FAM98C: variants seen among roughly 807,000 people sequenced by gnomAD.
FAM98C encodes tRNA splicing ligase complex subunit 3C.
A neutral mutation model predicts 41.1 loss-of-function variants in FAM98C; 38 were observed. The ratio of observed to expected loss-of-function variants is 0.92; its 90% CI spans 0.71 to 1.21. The LOEUF (loss-of-function observed/expected upper bound fraction) is 1.21, where lower values mean the gene tolerates loss of function less well. Among genes scored for constraint, FAM98C ranks in the 50% most tolerant of loss-of-function variants. The probability of loss-of-function intolerance (pLI) is 0.00; values close to 1 mark genes in which losing one functional copy is unlikely to be tolerated. For missense variants in FAM98C, 493 were observed against 484.7 expected (o/e 1.02, Z -0.16); for synonymous variants, 195 against 216.7 (o/e 0.90, Z 0.88).
In FAM98C at chr19:38,405,616, A is replaced by G. The variant is rs763901480; in HGVS notation, c.731A>G (p.His244Arg). 6.2e-7 allele frequency: 1 copy of G among 1,614,028 alleles called. No individual in the cohort carries two copies. The highest frequency in any genetic ancestry group is 1.1e-5 in the South Asian group (1 of 91,078). ...CTTGACCTCACTACATCTGCTTTCC[A>G]CTGGAGTGACCGGGCAGAGGTGTGG... ...KRLDLTTSAF[H>R]WSDRAEAQGE... is the part of the protein sequence containing the mutation. The change falls in exon 6 of 8, where the codon CAC becomes CGC. Residue 244 changes from histidine (H) to arginine (R), a missense_variant. By Grantham distance (29) the His-to-Arg change is conservative (BLOSUM62 0). Coordinates refer to ENST00000252530, the MANE Select transcript of FAM98C (RefSeq NM_174905.4).
At chr19:38,405,859 ATTT>A (rs1002148694) in intron 6 of FAM98C, 1,399 of 389,842 alleles carry the variant, frequency 3.6e-3, no homozygotes, top group Middle Eastern at 7.4e-3. Flanking sequence ...ATACCCCATC[ATTT>A]TTTTTTTTTT....
intron 3 of FAM98C, 107 bp downstream of exon 3, chr19:38,403,801 G>A: frequency 7.7e-7 from 1 of 1,304,998 alleles, no homozygotes. Context: ...GAACTTTGGG[G>A]CGGCCCAGAG....
Position 38,403,232 on chromosome 19 carries a change from C to T in FAM98C, c.65+14C>T. The T allele has an allele frequency of 1.3e-6, 2 of 1,558,806 alleles. No homozygotes were observed. The highest frequency in any genetic ancestry group is 1.2e-5 in the South Asian group (1 of 85,126). ...GCTGGCTCTGGGGTAAAAGGGTGTG[C>T]GGTGAGGCTGGTGGGTGCAGGAAGG... On this transcript the variant is annotated intron_variant, in intron 1 of 7. Coordinates refer to ENST00000252530, the MANE Select transcript of FAM98C (RefSeq NM_174905.4).
At position 38,404,983 on chromosome 19, in the gene FAM98C, C is replaced by T; in HGVS notation, c.425C>T (p.Pro142Leu). The change falls in exon 4 of 8, where the codon CCC (proline) becomes CTC (leucine). Residue 142 changes from proline to leucine, a missense_variant. Transcript: ENST00000252530. ...RSLLDPSPRPPLGEGVVEGAG... is the reference protein window; with the variant it reads ...RSLLDPSPRPLLGEGVVEGAG... ...CTGCTGGATCCGAGTCCTAGGCCAC[C>T]CCTTGGTGAAGGGGTAGTGGAGGGA... 6.2e-7 allele frequency: 1 copy of T among 1,614,154 alleles called. No homozygotes were observed. The highest frequency in any genetic ancestry group is 1.1e-5 in the South Asian group (1 of 91,082).
At chr19:38,406,815 T>G in intron 6 of FAM98C, 95 bp from the exon 7 acceptor site, 19 of 1,270,124 alleles carry the variant, frequency 1.5e-5, no homozygotes, top group Admixed American at 1.9e-5. Context: ...CTGTGGGCAG[T>G]GAGGTCTTGA....
At chr19:38,403,255 A>T in intron 1 of FAM98C, 37 bp downstream of exon 1, 2 of 1,550,056 alleles carry the variant, frequency 1.3e-6, no homozygotes, top group Non-Finnish European at 1.7e-6. Context: ...GGGTGCAGGA[A>T]GGCCAGGTCT....
chr19:38,403,734 C>G (rs113450443), intron 3 of FAM98C, 40 bp downstream of exon 3: 46,864 of 1,373,182 alleles, frequency 0.034, 837 homozygotes, highest in African/African-American at 0.051. Context: ...CCATGGCCTC[C>G]GGAGCGGCGG....
intron 6 of FAM98C, 149 bp from the exon 7 acceptor site, chr19:38,406,761 G>A (rs912862925): frequency 1.2e-6 from 1 of 808,430 alleles, no homozygotes; most frequent in Non-Finnish European, 1.9e-6. Flanking sequence ...CTCCAGGCTG[G>A]GTGACAGCGA....
rs931151983 is a variant in FAM98C at position 38,408,610 on chromosome 19, A to T, written c.919-141A>T. The T allele has an allele frequency of 5.8e-6, 6 of 1,029,670 alleles. No homozygotes were observed. In the African/African-American group the frequency reaches 8.1e-5, roughly 14 times the overall value. The allele number at this position is 1,029,670 out of a possible 1,614,324, so 63.8% of individuals were successfully genotyped here. ...TCATGCTAGTATCTTCCACCAGTTC[A>T]GTCCCCCCTCCCCCAGCCACTGTAC... is the stretch of plus-strand genomic sequence containing the variant. On this transcript the variant is annotated intron_variant, in intron 7 of 7. Coordinates refer to ENST00000252530, the MANE Select transcript of FAM98C (RefSeq NM_174905.4).
At position 38,403,216 on chromosome 19, in the gene FAM98C, G is replaced by C. The variant is rs3745957; in HGVS notation, c.63G>C (p.Leu21=). Reference sequence around the variant, plus strand: ...CGGTGGCCCAGGACCTGCTGGCTCTGGGGTAAAAGGGTGTGCGGTGAGGCT... The same window carrying C: ...CGGTGGCCCAGGACCTGCTGGCTCTCGGGTAAAAGGGTGTGCGGTGAGGCT... ...GAAVAQDLLA[L]GYGGVPGAAS... Residue 21 remains leucine, a splice_region_variant and synonymous_variant, in exon 1 of 8, where the codon CTG becomes CTC. Transcript: ENST00000252530. 108,752 of 1,557,706 alleles carry C rather than the reference G, an allele frequency of 0.07. 5,111 individuals carry two copies. The highest frequency in any genetic ancestry group is 0.25 in the East Asian group (9,601 of 38,754).
At position 38,405,350 on chromosome 19, in the gene FAM98C, G is replaced by A. The variant is rs1312017240; in HGVS notation, c.562G>A (p.Glu188Lys). The A allele has an allele frequency of 2.5e-6, 4 of 1,613,764 alleles. No individual in the cohort carries two copies. Among genetic ancestry groups the A allele is most frequent in the Non-Finnish European group, 3.4e-6 (4 of 1,179,978 alleles). Residue 188 changes from glutamate to lysine, a missense_variant, in exon 5 of 8, where the codon GAG becomes AAG. Physicochemically the swap from Glu to Lys is moderately conservative, Grantham distance 56. Coordinates refer to ENST00000252530, the MANE Select transcript of FAM98C (RefSeq NM_174905.4). ...TGACTTCTTCTCCCATCAGATCTCA[G>A]AGCTGCAGCCTTCTCTGCCCCCAGG... Reference protein sequence around the residue: ...LLQELHAKISELQPSLPPGSL... With the variant: ...LLQELHAKISKLQPSLPPGSL...
intron 4 of FAM98C, 57 bp downstream of exon 4, chr19:38,405,170 G>T: frequency 1.3e-6 from 2 of 1,563,818 alleles, no homozygotes; most frequent in South Asian, 2.3e-5. Flanking sequence ...TGTGGGGGTG[G>T]GGGTCCTCTC....
At chr19:38,405,216 G>C in intron 4 of FAM98C, 103 bp downstream of exon 4, 1 of 1,505,356 alleles carries the variant, frequency 6.6e-7, no homozygotes, top group Non-Finnish European at 9.0e-7. Context: ...CCACTGGCCT[G>C]TTTTTTCTGG....
Position 38,404,258 on chromosome 19 carries a change from G to A in FAM98C, c.349+564G>A, listed in dbSNP as rs192730101. 4.7e-3 allele frequency among the ~76,000 whole-genome samples: 722 copies of A among 152,284 alleles called. 6 individuals carry two copies. Among genetic ancestry groups the A allele is most frequent in the African/African-American group, 0.016 (682 of 41,570 alleles). The stretch of plus-strand genomic sequence containing the variant: ...GGGTTGGATTAGGAGGAAGGCTTGA[G>A]GTTTCAAAGTGGGCAGGAGTGGAAT... On this transcript the variant is annotated intron_variant, in intron 3 of 7. Coordinates refer to ENST00000252530, the MANE Select transcript of FAM98C (RefSeq NM_174905.4).
chr19:38,404,890 C>G lies in FAM98C; in HGVS notation c.350-18C>G, dbSNP rs746898599. ...TAGCAGCCTCCCTGAGTGCACAGCACCCATTTATTACTTTCAGGCTTTCTC... is the reference window on the plus strand; with the variant it reads ...TAGCAGCCTCCCTGAGTGCACAGCAGCCATTTATTACTTTCAGGCTTTCTC... On this transcript the variant is annotated intron_variant, in intron 3 of 7. Transcript: ENST00000252530. 1.2e-6 allele frequency: 2 copies of G among 1,613,924 alleles called. No individual in the cohort carries two copies. Among genetic ancestry groups the G allele is most frequent in the Non-Finnish European group, 1.7e-6 (2 of 1,179,878 alleles).
chr19:38,405,483 G>A (rs1486686690), intron 5 of FAM98C, 36 bp from the exon 6 acceptor site: 7 of 1,613,728 alleles, frequency 4.3e-6, no homozygotes, highest in Non-Finnish European at 5.9e-6. Flanking sequence ...GCAGTGAGAG[G>A]GACCCCTAGC....
chr19:38,408,949 G>A lies in FAM98C; in HGVS notation c.*67G>A. 4.0e-6 allele frequency: 6 copies of A among 1,502,234 alleles called. No homozygotes were observed. The highest frequency in any genetic ancestry group is 4.4e-6 in the Non-Finnish European group (5 of 1,127,414). 93.1% of individuals were successfully genotyped at this position (1,502,234 alleles called of 1,614,324 possible). A position where few individuals can be genotyped will look rare whatever the true frequency, so the allele number is the denominator to read the frequency against. ...GCTAATGCTATCGGTAATCTCTGGG[G>A]AGTCCGTTTAAGGCTTTCCTTGGTA... On this transcript the variant is annotated 3_prime_UTR_variant, in exon 8 of 8. Transcript: ENST00000252530.
intron 3 of FAM98C, 65 bp downstream of exon 3, chr19:38,403,759 G>C: frequency 1.5e-6 from 2 of 1,351,098 alleles, no homozygotes; most frequent in Non-Finnish European, 9.5e-7. Context: ...TGACTTTTTA[G>C]GGGAAATCGA....
Position 38,408,791 on chromosome 19 carries a change from A to G in FAM98C, c.959A>G (p.Asn320Ser), listed in dbSNP as rs1971094852. 1 of 1,613,650 alleles carries G rather than the reference A, an allele frequency of 6.2e-7. No homozygotes were observed. Among genetic ancestry groups the G allele is most frequent in the Non-Finnish European group, 8.5e-7 (1 of 1,179,912 alleles). ...GTTCCAGACCGGGGGGGCCGCCCAA[A>G]TGAGCTGGAGCCTCCCATGCCCACC... is the stretch of plus-strand genomic sequence containing the variant. ...GNVPDRGGRPNELEPPMPTWR... is the reference protein window; with the variant it reads ...GNVPDRGGRPSELEPPMPTWR... The change falls in exon 8 of 8, where the codon AAT becomes AGT. Residue 320 changes from asparagine (N) to serine (S), a missense_variant. By Grantham distance (46) the Asn-to-Ser change is conservative. Coordinates refer to ENST00000252530, the MANE Select transcript of FAM98C (RefSeq NM_174905.4).
Sources: gnomAD v4.1 joint callset for allele counts (sites outside exome capture counted in the v4.1 genomes callset) on GRCh38, gnomAD v4.1.1 for gene constraint, MANE v1.5 for transcripts, NCBI Gene and HGNC (gene_info 2026-07-23, HGNC 2026-07-21) for gene names.